Variants in SHB observed in about 807,000 individuals in gnomAD.
SHB encodes SH2 domain containing adaptor protein B.
A neutral mutation model predicts 52.3 loss-of-function variants in SHB; 20 were observed. The ratio of observed to expected loss-of-function variants is 0.38; its 90% CI spans 0.27 to 0.56. The LOEUF (loss-of-function observed/expected upper bound fraction) is 0.56. Ranked by LOEUF, SHB falls within the 20% of genes least tolerant of loss-of-function variation. The probability of loss-of-function intolerance (pLI) is 0.71; values close to 1 mark genes in which losing one functional copy is unlikely to be tolerated. For synonymous variants in SHB, 397 were observed against 316.5 expected (o/e 1.25, Z -2.70); for missense variants, 825 against 723.3 (o/e 1.14, Z -1.61).
At position 37,943,556 on chromosome 9, in the gene SHB, G is replaced by T. The variant is rs368732265; in HGVS notation, c.1346+5079C>A. On this transcript the variant is annotated intron_variant, in intron 5 of 5. Transcript: ENST00000377707. ...GCCTTCGGGGATTAGAAAGCCAAAG[G>T]TCCCTCCGTAAGGACTGTATGCAGC... Among the ~76,000 whole-genome samples the T allele has an allele frequency of 6.6e-5, 10 of 152,194 alleles. No individual in the cohort carries two copies. In the East Asian group the frequency reaches 1.7e-3, roughly 26 times the overall value.
At chr9:38,047,218 T>TA (rs1284225765) in intron 1 of SHB, among the ~76,000 whole-genome samples, 1 of 152,240 alleles carries the variant, frequency 6.6e-6, no homozygotes, top group East Asian at 1.9e-4. Context: ...CAAGTCTGCT[T>TA]ACTTGTATGA....
intron 3 of SHB, among the ~76,000 whole-genome samples, chr9:37,970,703 C>T (rs908465688): frequency 6.6e-6 from 1 of 152,070 alleles, no homozygotes; most frequent in African/African-American, 2.4e-5. Context: ...TCCCAGGACA[C>T]GCCCTTTGTC....
At chr9:38,014,286 C>G (rs766825722) in intron 2 of SHB, among the ~76,000 whole-genome samples, 1 of 152,194 alleles carries the variant, frequency 6.6e-6, no homozygotes, top group Non-Finnish European at 1.5e-5. Flanking sequence ...TCCTTTAAAC[C>G]GGAGCCAACG....
chr9:37,999,880 G>T (rs1422758039), intron 2 of SHB, among the ~76,000 whole-genome samples: 6 of 152,202 alleles, frequency 3.9e-5, no homozygotes, highest in African/African-American at 1.4e-4. Context: ...ATTCACTCCT[G>T]CAGCCTCCAG....
At chr9:38,045,172 G>A (rs984598078) in intron 1 of SHB, among the ~76,000 whole-genome samples, 2 of 152,240 alleles carry the variant, frequency 1.3e-5, no homozygotes, top group East Asian at 1.9e-4. Context: ...CATGATAGAA[G>A]CCATGGGTAG....
At chr9:38,041,647 T>G (rs1039266326) in intron 1 of SHB, among the ~76,000 whole-genome samples, 1 of 152,090 alleles carries the variant, frequency 6.6e-6, no homozygotes, top group Non-Finnish European at 1.5e-5. Flanking sequence ...GGATACCAGG[T>G]TAAAGCAACT....
At position 37,916,046 on chromosome 9, in the gene SHB, G is replaced by A. The variant is rs1393298448; in HGVS notation, c.*3775C>T. The stretch of plus-strand genomic sequence containing the variant: ...GCAGGGATGCAAACAGCCCCAAGGA[G>A]GGAGGTGGAAAGGCCAAGGGGCACC... On this transcript the variant is annotated 3_prime_UTR_variant, in exon 6 of 6. Coordinates refer to ENST00000377707, the MANE Select transcript of SHB (RefSeq NM_003028.3). Among the ~76,000 whole-genome samples the A allele has an allele frequency of 1.3e-5, 2 of 152,218 alleles. No individual in the cohort carries two copies. The highest frequency in any genetic ancestry group is 2.9e-5 in the Non-Finnish European group (2 of 68,034).
At chr9:38,005,486 C>A (rs894836958) in intron 2 of SHB, among the ~76,000 whole-genome samples, 2 of 152,192 alleles carry the variant, frequency 1.3e-5, no homozygotes, top group Admixed American at 6.5e-5. Flanking sequence ...AGGACTCAGA[C>A]CTGCTGTTAC....
In SHB at chr9:37,990,664, T is replaced by C. The variant is rs184295230; in HGVS notation, c.839-15827A>G. Among the ~76,000 whole-genome samples the C allele has an allele frequency of 1.7e-4, 26 of 152,344 alleles. No homozygotes were observed. The East Asian group carries it at 5.0e-3, about 29-fold the overall frequency. ...TAAAGTTCCACTTTTAGAAACCTAC[T>C]CTACAGAAATATCCAGACCCACAGG... On this transcript the variant is annotated intron_variant, in intron 2 of 5. Transcript: ENST00000377707.
At chr9:37,991,055 A>G (rs1395051869) in intron 2 of SHB, among the ~76,000 whole-genome samples, 1 of 152,202 alleles carries the variant, frequency 6.6e-6, no homozygotes, top group Non-Finnish European at 1.5e-5. Context: ...CTCAGAGCAC[A>G]TATTACCTAA....
chr9:37,920,112 T>G (rs1657901844), intron 5 of SHB, 108 bp from the exon 6 acceptor site: 4 of 868,406 alleles, frequency 4.6e-6, no homozygotes, highest in Non-Finnish European at 7.4e-6. Flanking sequence ...ATGAAGTGGC[T>G]GTGAGCTGCA....
chr9:37,966,428 T>A (rs1161232353), intron 3 of SHB, among the ~76,000 whole-genome samples: 1 of 152,166 alleles, frequency 6.6e-6, no homozygotes, highest in East Asian at 1.9e-4. Flanking sequence ...AATGAATTTA[T>A]TCATACGTCA....
At chr9:37,944,066 T>C (rs1470768720) in intron 5 of SHB, among the ~76,000 whole-genome samples, 1 of 152,150 alleles carries the variant, frequency 6.6e-6, no homozygotes, top group Non-Finnish European at 1.5e-5. Flanking sequence ...GGGCCAGTGG[T>C]GGGTGCCAGG....
intron 1 of SHB, among the ~76,000 whole-genome samples, chr9:38,032,963 A>G (rs1264116220): frequency 6.6e-6 from 1 of 152,208 alleles, no homozygotes; most frequent in Admixed American, 6.5e-5. Flanking sequence ...CTAAGTACTA[A>G]GTGCTAAAAT....
intron 1 of SHB, among the ~76,000 whole-genome samples, chr9:38,050,810 G>C (rs1285952375): frequency 6.6e-6 from 1 of 151,882 alleles, no homozygotes; most frequent in Non-Finnish European, 1.5e-5. Context: ...AAAAGCAAAG[G>C]GTAAGATATT....
intron 3 of SHB, among the ~76,000 whole-genome samples, chr9:37,972,047 G>A (rs983644391): frequency 6.6e-6 from 1 of 152,194 alleles, no homozygotes; most frequent in African/African-American, 2.4e-5. Flanking sequence ...TTCAGGGACT[G>A]CACTTTGAGT....
chr9:37,919,484 G>T lies in SHB; in HGVS notation c.*337C>A. The T allele has an allele frequency of 5.2e-6, 1 of 190,638 alleles. No individual in the cohort carries two copies. 11.8% of individuals were successfully genotyped at this position (190,638 alleles called of 1,614,324 possible). ...AGAACAAAGAGATGTCAGCCAGGGAGCTCCCGCCCCACCCTACCCCGCCCC... is the reference window on the plus strand; with the variant it reads ...AGAACAAAGAGATGTCAGCCAGGGATCTCCCGCCCCACCCTACCCCGCCCC... On this transcript the variant is annotated 3_prime_UTR_variant, in exon 6 of 6. Transcript: ENST00000377707.
chr9:37,979,235 T>C (rs1820692632), intron 2 of SHB, among the ~76,000 whole-genome samples: 1 of 152,266 alleles, frequency 6.6e-6, no homozygotes, highest in Non-Finnish European at 1.5e-5. Context: ...TGGCAGTCTG[T>C]AATTTCATGC....
At chr9:38,063,690 A>G (rs1260291515) in intron 1 of SHB, among the ~76,000 whole-genome samples, 1 of 152,064 alleles carries the variant, frequency 6.6e-6, no homozygotes, top group African/African-American at 2.4e-5. Context: ...AGAAGCTGGT[A>G]TTCAACTGCA....
Sources: allele counts gnomAD v4.1 joint callset (sites outside exome capture counted in the v4.1 genomes callset), GRCh38; gene constraint gnomAD v4.1.1; transcripts MANE v1.5; gene names NCBI Gene and HGNC (gene_info 2026-07-23, HGNC 2026-07-21).